Variants in SVEP1 observed in about 807,000 individuals in gnomAD.
SVEP1 encodes sushi, von Willebrand factor type A, EGF and pentraxin domain-containing protein 1.
In SVEP1, 164 loss-of-function variants were observed where a neutral mutation model predicts 367.3. The observed-to-expected ratio is 0.45, with a 90% CI of 0.39 to 0.51. The LOEUF is 0.51. Among genes scored for constraint, SVEP1 ranks in the 20% least tolerant of loss-of-function variants. The pLI is 0.00. For missense variants in SVEP1, 4,117 were observed against 4,425.3 expected, an observed-to-expected ratio of 0.93 and a Z score of 1.98; for synonymous variants, 1,666 against 1,611.6, an observed-to-expected ratio of 1.03 and a Z score of -0.81.
rs113757437 is a variant in SVEP1, at chr9:110,458,143, C to T, written c.3576+328G>A. The T allele has an allele frequency of 4.8e-3, 2,564 of 533,596 alleles. 45 individuals carry two copies. The highest frequency in any genetic ancestry group is 0.042 in the African/African-American group (2,254 of 53,190). 33.1% of individuals were successfully genotyped at this position (533,596 alleles called of 1,614,324 possible). ...GCCTGCCAATTAGAAAAGGCCTTTC[C>T]TTAAACCAAATTCTCTTACTCAAAT... On this transcript the variant is annotated intron_variant, in intron 20 of 47. Coordinates refer to ENST00000374469, the MANE Select transcript of SVEP1 (RefSeq NM_153366.4).
At chr9:110,374,635 A>G (rs1228953087) in intron 46 of SVEP1, among the ~76,000 whole-genome samples, 1 of 149,796 alleles carries the variant, frequency 6.7e-6, no homozygotes, top group Non-Finnish European at 1.5e-5. Context: ...GGGTGACAAG[A>G]GTGAAACTCT....
Position 110,366,261 on chromosome 9 carries a change from A to T in SVEP1, c.*278T>A, listed in dbSNP as rs1014523870. ...TGTACCAGGAACTTTCCCAATAGAC[A>T]GCAGAATATGTACATTTTGTGAGGG... On this transcript the variant is annotated 3_prime_UTR_variant, in exon 48 of 48. Coordinates refer to ENST00000374469, the MANE Select transcript of SVEP1 (RefSeq NM_153366.4). 2 of 341,972 alleles carry T rather than the reference A, an allele frequency of 5.8e-6. No individual in the cohort carries two copies. Among genetic ancestry groups the T allele is most frequent in the Non-Finnish European group, 1.0e-5 (2 of 192,932 alleles). 21.2% of individuals were successfully genotyped at this position (341,972 alleles called of 1,614,324 possible). A position where few individuals can be genotyped will look rare whatever the true frequency, so the allele number is the denominator to read the frequency against.
At chr9:110,427,325 A>G (rs964502185) in intron 36 of SVEP1, among the ~76,000 whole-genome samples, 5 of 141,464 alleles carry the variant, frequency 3.5e-5, no homozygotes, top group Non-Finnish European at 7.7e-5. Context: ...AAAAAAAAAA[A>G]GTATAATATG....
Position 110,406,282 on chromosome 9 carries a change from C to G in SVEP1, c.9318G>C (p.Glu3106Asp). 1 of 1,614,098 alleles carries G rather than the reference C, an allele frequency of 6.2e-7. No homozygotes were observed. Among genetic ancestry groups the G allele is most frequent in the Non-Finnish European group, 8.5e-7 (1 of 1,179,910 alleles). The change falls in exon 38 of 48, where the codon GAG becomes GAC. Residue 3106 changes from glutamate to aspartate, a missense_variant. Physicochemically the swap from Glu to Asp is conservative, Grantham distance 45. Coordinates refer to ENST00000374469, the MANE Select transcript of SVEP1 (RefSeq NM_153366.4). The part of the protein sequence containing the change: ...IQGSSDLICT[E>D]KGVWSQPYPV... ...GATAAGGCTGGCTCCATACCCCTTTCTCTGTACAAATCAGATCTGAACTGC... is the reference window on the plus strand; with the variant it reads ...GATAAGGCTGGCTCCATACCCCTTTGTCTGTACAAATCAGATCTGAACTGC...
At position 110,528,160 on chromosome 9, in the gene SVEP1, A is replaced by G. The variant is rs57212495; in HGVS notation, c.965-14054T>C. Among the ~76,000 whole-genome samples, 181 of 50,060 alleles carry G rather than the reference A, an allele frequency of 3.6e-3. 3 individuals are homozygous for G. Among genetic ancestry groups the G allele is most frequent in the African/African-American group, 7.3e-3 (111 of 15,232 alleles). 32.8% of individuals were successfully genotyped at this position (50,060 alleles called of 152,430 possible). A position where few individuals can be genotyped will look rare whatever the true frequency, so the allele number is the denominator to read the frequency against. ...TGTGTGTGTGTGTGTGTGTGTGTAT[A>G]TATATATATATATATATATATATAT... On this transcript the variant is annotated intron_variant, in intron 3 of 47. Coordinates refer to ENST00000374469, the MANE Select transcript of SVEP1 (RefSeq NM_153366.4).
rs143378538 is a variant in SVEP1, at chr9:110,522,719, C to G, written c.965-8613G>C. On this transcript the variant is annotated intron_variant, in intron 3 of 47. Transcript: ENST00000374469. ...TTGTCAAATGTGTTTCCCTTTGGGT[C>G]CTATAAAGAGTGGTAACTTATGAGT... 1.1e-3 allele frequency among the ~76,000 whole-genome samples: 168 copies of G among 152,188 alleles called. 2 individuals are homozygous for G. Among genetic ancestry groups the G allele is most frequent in the African/African-American group, 3.7e-3 (153 of 41,518 alleles).
At chr9:110,556,316 A>G (rs1169835085) in intron 1 of SVEP1, among the ~76,000 whole-genome samples, 1 of 152,158 alleles carries the variant, frequency 6.6e-6, no homozygotes, top group African/African-American at 2.4e-5. Flanking sequence ...GTCTTGAAAG[A>G]AAAAGAGAGG....
In SVEP1 at chr9:110,407,279, G is replaced by A; in HGVS notation, c.8321C>T (p.Ser2774Leu). The A allele has an allele frequency of 6.2e-7, 1 of 1,613,950 alleles. No individual in the cohort carries two copies. Among genetic ancestry groups the A allele is most frequent in the Non-Finnish European group, 8.5e-7 (1 of 1,179,884 alleles). Residue 2774 changes from serine (S) to leucine (L), a missense_variant, in exon 38 of 48, where the codon TCA (serine) becomes TTA (leucine). Ser to Leu is a moderately radical substitution (Grantham distance 145, BLOSUM62 -2). This residue lies in a region of SVEP1 where 1,765 missense variants were observed against 1,781.1 expected (regional missense o/e 0.99). Coordinates refer to ENST00000374469, the MANE Select transcript of SVEP1 (RefSeq NM_153366.4). ...SGASPRCEAI[S>L]CKKPNPVMNG... ...CATGACTGGATTTGGCTTTTTGCAT[G>A]AAATGGCTTCACAGCGTGGGGAGGC...
chr9:110,404,230 C>A, intron 39 of SVEP1, 97 bp downstream of exon 39: 1 of 1,213,860 alleles, frequency 8.2e-7, no homozygotes, highest in East Asian at 2.4e-5. Context: ...AAACTTCAGA[C>A]TTTTTTTTCT....
chr9:110,400,878 C>T lies in SVEP1; in HGVS notation c.9798G>A (p.Gln3266=). The T allele has an allele frequency of 6.2e-7, 1 of 1,613,668 alleles. No homozygotes were observed. The highest frequency in any genetic ancestry group is 8.5e-7 in the Non-Finnish European group (1 of 1,179,766). Residue 3266 remains glutamine (Q), a synonymous_variant, in exon 40 of 48, where the codon CAG becomes CAA. Transcript: ENST00000374469. ...KYTFESTIIY[Q]CEPGYELEGN... ...CCTCTAGTTCATAGCCAGGCTCACA[C>T]TGATAAATAATTGTGCTTTCAAAGG...
chr9:110,394,783 A>C (rs896549310), intron 40 of SVEP1, among the ~76,000 whole-genome samples: 1 of 152,168 alleles, frequency 6.6e-6, no homozygotes, highest in Admixed American at 6.6e-5. Flanking sequence ...GAAATGAAGC[A>C]AGAAGAGAAG....
intron 3 of SVEP1, among the ~76,000 whole-genome samples, chr9:110,531,376 C>A (rs913481189): frequency 1.3e-5 from 2 of 152,246 alleles, no homozygotes; most frequent in South Asian, 4.1e-4. Context: ...TTCCCATAGT[C>A]CCCACATGTC....
chr9:110,578,936 G>A, intron 1 of SVEP1, 77 bp downstream of exon 1: 1 of 1,490,278 alleles, frequency 6.7e-7, no homozygotes, highest in African/African-American at 1.4e-5. Flanking sequence ...CTGAACCCCG[G>A]GATAGAGACG....
At chr9:110,506,784 G>C (rs756377355) in intron 5 of SVEP1, among the ~76,000 whole-genome samples, 1 of 152,102 alleles carries the variant, frequency 6.6e-6, no homozygotes, top group Admixed American at 6.5e-5. Flanking sequence ...AGGAAAAGTC[G>C]TGAAGAAGGG....
chr9:110,494,158 G>A (rs1182189659), intron 8 of SVEP1, among the ~76,000 whole-genome samples: 1 of 152,152 alleles, frequency 6.6e-6, no homozygotes, highest in Non-Finnish European at 1.5e-5. Flanking sequence ...TGCTATGTAA[G>A]GAAACATATT....
intron 1 of SVEP1, among the ~76,000 whole-genome samples, chr9:110,551,582 C>T (rs561089325): frequency 5.3e-5 from 8 of 152,284 alleles, no homozygotes; most frequent in South Asian, 2.1e-4. Flanking sequence ...CAGAGGGTGG[C>T]TTCTGCGACG....
At chr9:110,480,042 A>G (rs1324941355) in intron 12 of SVEP1, among the ~76,000 whole-genome samples, 1 of 152,250 alleles carries the variant, frequency 6.6e-6, no homozygotes, top group Non-Finnish European at 1.5e-5. Context: ...AAGAAGATAC[A>G]TAAAAATTGT....
At chr9:110,542,279 T>A (rs1830161377) in intron 3 of SVEP1, among the ~76,000 whole-genome samples, 1 of 152,122 alleles carries the variant, frequency 6.6e-6, no homozygotes, top group Non-Finnish European at 1.5e-5. Context: ...GATGTTTGGG[T>A]ATGTTATCTT....
At chr9:110,492,266 T>C (rs1157478962) in intron 8 of SVEP1, among the ~76,000 whole-genome samples, 1 of 152,080 alleles carries the variant, frequency 6.6e-6, no homozygotes, top group African/African-American at 2.4e-5. Context: ...TGAAAAATTG[T>C]GGTCGTTAGG....
Sources: allele counts gnomAD v4.1 joint callset (sites outside exome capture counted in the v4.1 genomes callset), GRCh38; gene constraint gnomAD v4.1.1; regional missense constraint gnomAD v4.1.1; transcripts MANE v1.5; gene names NCBI Gene and HGNC (gene_info 2026-07-23, HGNC 2026-07-21).